YAF2: variants seen among roughly 807,000 people sequenced by gnomAD.
YAF2 encodes the protein YY1-associated factor 2.
YAF2 carries 7 observed loss-of-function variants against 20.1 expected under a neutral mutation model. The observed-to-expected ratio is 0.35, with a 90% confidence interval of 0.20 to 0.65. The LOEUF is 0.65. YAF2 is among the 30% of genes least tolerant of loss of function. The probability of loss-of-function intolerance (pLI) is 0.69; values close to 1 mark genes in which losing one functional copy is unlikely to be tolerated. For synonymous variants in YAF2, 74 were observed against 76.0 expected, an observed-to-expected ratio of 0.97 and a Z score of 0.14; for missense variants, 151 against 219.2, an observed-to-expected ratio of 0.69 and a Z score of 1.96.
At chr12:42,202,015 C>T (rs932581985) in intron 2 of YAF2, among the ~76,000 whole-genome samples, 5 of 152,184 alleles carry the variant, frequency 3.3e-5, no homozygotes, top group African/African-American at 7.2e-5. Context: ...CTCATCTATA[C>T]TATCCTCTTT....
At position 42,237,598 on chromosome 12, in the gene YAF2, C is replaced by G. The variant is rs2068214348; in HGVS notation, c.152+1G>C. 6.5e-7 allele frequency: 1 copy of G among 1,534,376 alleles called. No homozygotes were observed. Among genetic ancestry groups the G allele is most frequent in the Admixed American group, 2.0e-5 (1 of 48,808 alleles). On this transcript the variant is annotated splice_donor_variant, in intron 2 of 3. Transcript: ENST00000534854. LOFTEE classifies it high-confidence loss of function. ...GCGCGAGGGGCAGGCCCGGGACTCACCGGGTGGAGGTGCCCTTCCGCACAT... is the reference window on the plus strand; with the variant it reads ...GCGCGAGGGGCAGGCCCGGGACTCAGCGGGTGGAGGTGCCCTTCCGCACAT...
chr12:42,174,657 T>C (rs2066134889), intron 2 of YAF2, among the ~76,000 whole-genome samples: 1 of 152,214 alleles, frequency 6.6e-6, no homozygotes, highest in African/African-American at 2.4e-5. Flanking sequence ...AGGGTGATTT[T>C]TTTATGCATG....
intron 2 of YAF2, among the ~76,000 whole-genome samples, chr12:42,227,191 G>A (rs577461181): frequency 0.012 from 1,694 of 144,260 alleles, 71 homozygotes; most frequent in Admixed American, 0.085. Flanking sequence ...CACGGGGCCC[G>A]AGGGCAAGGA....
At chr12:42,190,907 T>G (rs1014774240) in intron 2 of YAF2, among the ~76,000 whole-genome samples, 6 of 150,742 alleles carry the variant, frequency 4.0e-5, no homozygotes, top group Non-Finnish European at 8.9e-5. Context: ...TACTTTTTAG[T>G]TTTTTTTTCA....
At chr12:42,223,331 T>TACAC (rs71434396) in intron 2 of YAF2, among the ~76,000 whole-genome samples, 2,002 of 148,200 alleles carry the variant, frequency 0.014, 24 homozygotes, top group Middle Eastern at 0.021. Context: ...TTAAAATACA[T>TACAC]ACACACACAC....
intron 2 of YAF2, among the ~76,000 whole-genome samples, chr12:42,202,113 A>C (rs1315855842): frequency 6.6e-6 from 1 of 151,644 alleles, no homozygotes; most frequent in Non-Finnish European, 1.5e-5. Flanking sequence ...TTCCCCCCCC[A>C]TCTAGAAAAC....
intron 2 of YAF2, among the ~76,000 whole-genome samples, chr12:42,178,054 T>C (rs1318522570): frequency 2.0e-5 from 3 of 152,198 alleles, no homozygotes; most frequent in Non-Finnish European, 4.4e-5. Context: ...TCTTCTATTT[T>C]GTTCACTGCT....
At chr12:42,226,340 G>A (rs2067695172) in intron 2 of YAF2, among the ~76,000 whole-genome samples, 1 of 152,124 alleles carries the variant, frequency 6.6e-6, no homozygotes, top group Non-Finnish European at 1.5e-5. Context: ...AAAATGCTAA[G>A]GTGTTCATGT....
At chr12:42,205,602 T>C (rs1223455197) in intron 2 of YAF2, among the ~76,000 whole-genome samples, 1 of 152,192 alleles carries the variant, frequency 6.6e-6, no homozygotes, top group Non-Finnish European at 1.5e-5. Context: ...CTTGAACTCC[T>C]GACCTCATGA....
At chr12:42,228,017 A>G (rs1592055813) in intron 2 of YAF2, among the ~76,000 whole-genome samples, 3 of 100,226 alleles carry the variant, frequency 3.0e-5, no homozygotes, top group Non-Finnish European at 4.1e-5. Context: ...TCCAGGAGGG[A>G]GGTGGGGGGT....
At chr12:42,179,588 G>A (rs528848658) in intron 2 of YAF2, among the ~76,000 whole-genome samples, 2 of 152,114 alleles carry the variant, frequency 1.3e-5, no homozygotes, top group Non-Finnish European at 2.9e-5. Context: ...TCAGGAGTTT[G>A]AGACCAGCCT....
chr12:42,185,690 T>A (rs2066455097), intron 2 of YAF2, among the ~76,000 whole-genome samples: 2 of 152,234 alleles, frequency 1.3e-5, no homozygotes, highest in Admixed American at 1.3e-4. Flanking sequence ...GTCATTTGAA[T>A]TTTTTAGCTA....
At chr12:42,223,271 T>C (rs2137319340) in intron 2 of YAF2, among the ~76,000 whole-genome samples, 1 of 152,206 alleles carries the variant, frequency 6.6e-6, no homozygotes, top group South Asian at 2.1e-4. Context: ...TTCAGTCTAC[T>C]GAAATTTTAC....
intron 2 of YAF2, among the ~76,000 whole-genome samples, chr12:42,183,378 A>G (rs1239741955): frequency 1.3e-5 from 2 of 152,228 alleles, no homozygotes; most frequent in African/African-American, 4.8e-5. Context: ...TCAAAAGCCG[A>G]GACAGACCAA....
chr12:42,219,133 A>T (rs1208918211), intron 2 of YAF2, among the ~76,000 whole-genome samples: 1 of 152,240 alleles, frequency 6.6e-6, no homozygotes, highest in African/African-American at 2.4e-5. Context: ...ATAATGGCAT[A>T]AATGACCTGG....
At position 42,238,142 on chromosome 12, in the gene YAF2, C is replaced by T. The variant is rs756936825; in HGVS notation, c.26+13G>A. ...CCCGCACAGTCCGGGCCCCGGGGCC[C>T]GGGCGCTGTTACCTGGTGGGGCTCT... On this transcript the variant is annotated intron_variant, in intron 1 of 3. Coordinates refer to ENST00000534854, the MANE Select transcript of YAF2 (RefSeq NM_005748.6). The T allele has an allele frequency of 3.9e-6, 6 of 1,539,522 alleles. No individual in the cohort carries two copies. Among genetic ancestry groups the T allele is most frequent in the Admixed American group, 1.9e-5 (1 of 51,610 alleles).
chr12:42,178,699 A>T (rs2066261354), intron 2 of YAF2, among the ~76,000 whole-genome samples: 1 of 152,180 alleles, frequency 6.6e-6, no homozygotes, highest in Non-Finnish European at 1.5e-5. Context: ...TTTAACCCTC[A>T]AAGTGTTATG....
intron 2 of YAF2, among the ~76,000 whole-genome samples, chr12:42,176,022 G>A (rs1592173443): frequency 6.6e-6 from 1 of 151,992 alleles, no homozygotes; most frequent in Non-Finnish European, 1.5e-5. Context: ...CAAGGCGGGT[G>A]GATCACTTGA....
chr12:42,161,658 CT>C lies in YAF2; in HGVS notation c.259del (p.Ser87ValfsTer19), dbSNP rs1565592975. 1.9e-6 allele frequency: 3 copies of C among 1,605,028 alleles called. No homozygotes were observed. The highest frequency in any genetic ancestry group is 1.7e-5 in the Admixed American group (1 of 57,960). ...EKKDKVEKEK[S>X]EKETTSKKNS... ...CTTTTTGCTAGTTGTTTCCTTTTCA[CT>C]TTTTTCTTTTTCTACTTTATCTTTT... On this transcript the variant is annotated frameshift_variant, in exon 3 of 4. Transcript: ENST00000534854. LOFTEE classifies it high-confidence loss of function.
Sources: gnomAD v4.1 joint callset for allele counts (sites outside exome capture counted in the v4.1 genomes callset) on GRCh38, gnomAD v4.1.1 for gene constraint, MANE v1.5 for transcripts, NCBI Gene and HGNC (gene_info 2026-07-23, HGNC 2026-07-21) for gene names.